ATG4C: variants seen among roughly 807,000 people sequenced by gnomAD.
ATG4C encodes the protein autophagy related 4C cysteine peptidase.
In ATG4C, 56 loss-of-function variants were observed where a neutral mutation model predicts 57.6. The ratio of observed to expected loss-of-function variants is 0.97; its 90% CI spans 0.78 to 1.21. The LOEUF (loss-of-function observed/expected upper bound fraction) is 1.21, where lower values mean the gene tolerates loss of function less well. ATG4C is among the 50% of genes most tolerant of loss of function. The pLI is 0.00. For missense variants in ATG4C, 595 were observed against 529.8 expected, an observed-to-expected ratio of 1.12 and a Z score of -1.21; for synonymous variants, 157 against 174.1, an observed-to-expected ratio of 0.90 and a Z score of 0.78.
At chr1:62,801,510 C>T (rs1328756474) in intron 1 of ATG4C, among the ~76,000 whole-genome samples, 2 of 152,112 alleles carry the variant, frequency 1.3e-5, no homozygotes, top group Non-Finnish European at 2.9e-5. Context: ...TGGTGGCTCG[C>T]GCCTGTAATC....
At chr1:62,793,783 CTT>C (rs1457030917) in intron 1 of ATG4C, among the ~76,000 whole-genome samples, 3 of 152,112 alleles carry the variant, frequency 2.0e-5, no homozygotes, top group Non-Finnish European at 4.4e-5. Flanking sequence ...TGATTTGACT[CTT>C]TACCTCTTAT....
intron 10 of ATG4C, among the ~76,000 whole-genome samples, chr1:62,850,903 CAT>C (rs147828900): frequency 0.52 from 48,573 of 94,234 alleles, 11,075 homozygotes; most frequent in East Asian, 0.66. Context: ...TATATATATA[CAT>C]ACACATACAC....
intron 1 of ATG4C, chr1:62,785,279 C>G (rs1048360730): frequency 6.6e-6 from 1 of 152,102 alleles, no homozygotes; most frequent in African/African-American, 2.4e-5. Flanking sequence ...TATGTATTTT[C>G]TGAGTTTCAA....
At chr1:62,829,879 G>T (rs115501607) in intron 7 of ATG4C, among the ~76,000 whole-genome samples, 1,683 of 152,112 alleles carry the variant, frequency 0.011, 30 homozygotes, top group African/African-American at 0.038. Context: ...TCATTTTTTA[G>T]TAGTCTCTTT....
At position 62,819,332 on chromosome 1, in the gene ATG4C, T is replaced by G. The variant is rs1665406574; in HGVS notation, c.722T>G (p.Leu241Ter). The G allele has an allele frequency of 6.4e-7, 1 of 1,573,250 alleles. No homozygotes were observed. ...WYGPAVVAHILRKAVEEARHP... is the reference protein window; with the variant it reads ...WYGPAVVAHI ...GGACCAGCTGTGGTTGCTCACATTT[T>G]AAGGTAAAATTGTTTTAAAATCTTT... Residue 241 changes from leucine to a stop codon, truncating the protein, a stop_gained, in exon 5 of 11, where the codon TTA becomes TGA. Transcript: ENST00000317868. LOFTEE classifies it high-confidence loss of function.
intron 3 of ATG4C, among the ~76,000 whole-genome samples, chr1:62,813,154 G>A (rs544893555): frequency 3.9e-5 from 6 of 152,110 alleles, no homozygotes; most frequent in Non-Finnish European, 5.9e-5. Context: ...AAAAGAGCTC[G>A]CGTAGCCAAG....
intron 1 of ATG4C, among the ~76,000 whole-genome samples, chr1:62,796,207 GTTTTTTT>G (rs60552573): frequency 5.5e-5 from 5 of 91,162 alleles, no homozygotes; most frequent in African/African-American, 2.1e-4. Context: ...ATTTGTGTGG[GTTTTTTT>G]TTTTTTTTTT....
intron 1 of ATG4C, among the ~76,000 whole-genome samples, chr1:62,788,299 G>T (rs1481241629): frequency 6.6e-6 from 1 of 151,884 alleles, no homozygotes; most frequent in East Asian, 1.9e-4. Flanking sequence ...TTTCAAACCT[G>T]TAAAAACATT....
At chr1:62,814,331 A>T (rs977144140) in intron 3 of ATG4C, among the ~76,000 whole-genome samples, 2 of 152,210 alleles carry the variant, frequency 1.3e-5, no homozygotes, top group African/African-American at 4.8e-5. Context: ...CCTTCTCAGC[A>T]GACTAACACA....
intron 10 of ATG4C, among the ~76,000 whole-genome samples, chr1:62,860,420 T>C (rs1157659777): frequency 6.6e-6 from 1 of 152,234 alleles, no homozygotes; most frequent in African/African-American, 2.4e-5. Context: ...AATCAGTTTG[T>C]TTACACCAGC....
intron 6 of ATG4C, among the ~76,000 whole-genome samples, chr1:62,827,983 A>G (rs547731347): frequency 6.6e-6 from 1 of 152,316 alleles, no homozygotes; most frequent in Non-Finnish European, 1.5e-5. Flanking sequence ...CACAAAAGAC[A>G]TGATCTCATT....
At chr1:62,840,674 A>G (rs1666139538) in intron 9 of ATG4C, among the ~76,000 whole-genome samples, 1 of 152,118 alleles carries the variant, frequency 6.6e-6, no homozygotes, top group African/African-American at 2.4e-5. Context: ...AAGATGCCAA[A>G]CTCTACTAAC....
chr1:62,862,154 CAA>C (rs1189786862), intron 10 of ATG4C, among the ~76,000 whole-genome samples: 1 of 152,078 alleles, frequency 6.6e-6, no homozygotes, highest in African/African-American at 2.4e-5. Context: ...AAGCCTGAAT[CAA>C]TAAATATTGT....
At chr1:62,806,044 T>C (rs1487406214) in intron 3 of ATG4C, among the ~76,000 whole-genome samples, 1 of 152,196 alleles carries the variant, frequency 6.6e-6, no homozygotes, top group Non-Finnish European at 1.5e-5. Flanking sequence ...ATTAGCAATT[T>C]TCTAAAACCT....
rs774818696 is a variant in ATG4C, at chr1:62,803,776, AG to A, written c.-10del. 1.8e-5 allele frequency: 28 copies of A among 1,586,574 alleles called. No individual in the cohort carries two copies. Among genetic ancestry groups the A allele is most frequent in the Admixed American group, 5.4e-5 (3 of 55,926 alleles). The stretch of plus-strand genomic sequence containing the variant: ...GCAATCAAGTGATGGCTTTTCCTTT[AG>A]AATTTGAATATGGAGGCTACAGGAA... On this transcript the variant is annotated 5_prime_UTR_variant, in exon 2 of 11. An upstream open reading frame in the 5' UTR loses its in-frame stop. Transcript: ENST00000317868.
chr1:62,796,267 T>C (rs1664464198), intron 1 of ATG4C, among the ~76,000 whole-genome samples: 1 of 150,876 alleles, frequency 6.6e-6, no homozygotes, highest in African/African-American at 2.4e-5. Context: ...TTTGTCTTGC[T>C]TTCCTTGGCT....
Position 62,784,258 on chromosome 1 carries a change from C to T in ATG4C, c.-84C>T, listed in dbSNP as rs1664007631. The stretch of plus-strand genomic sequence containing the variant: ...GCTCCTGCACATTTTTACAGTTCTC[C>T]AGTCCTTCTCTTTCGGTGAGGGATC... On this transcript the variant is annotated 5_prime_UTR_variant, in exon 1 of 11. Coordinates refer to ENST00000317868, the MANE Select transcript of ATG4C (RefSeq NM_032852.4). 1 of 152,564 alleles carries T rather than the reference C, an allele frequency of 6.6e-6. No homozygotes were observed. The highest frequency in any genetic ancestry group is 2.4e-5 in the African/African-American group (1 of 41,434). 9.5% of individuals were successfully genotyped at this position (152,564 alleles called of 1,614,324 possible).
At chr1:62,847,284 T>C (rs1666354261) in intron 10 of ATG4C, among the ~76,000 whole-genome samples, 1 of 152,158 alleles carries the variant, frequency 6.6e-6, no homozygotes, top group African/African-American at 2.4e-5. Context: ...TCTGGAACGG[T>C]GCTCAGCTCA....
intron 10 of ATG4C, among the ~76,000 whole-genome samples, chr1:62,851,209 A>C (rs942728358): frequency 7.9e-5 from 12 of 152,068 alleles, no homozygotes; most frequent in Non-Finnish European, 1.5e-4. Context: ...TTTATCTTAA[A>C]ACTTGGGATA....
Sources: allele counts gnomAD v4.1 joint callset (sites outside exome capture counted in the v4.1 genomes callset), GRCh38; gene constraint gnomAD v4.1.1; transcripts MANE v1.5; gene names NCBI Gene and HGNC (gene_info 2026-07-23, HGNC 2026-07-21).